The following GLDC variants were observed in gnomAD, a reference collection of about 807,000 sequenced individuals.
GLDC encodes glycine dehydrogenase (decarboxylating), mitochondrial.
Under a neutral mutation model 121.3 loss-of-function variants are expected in GLDC, and 104 were observed. That is an observed-to-expected ratio of 0.86 (90% confidence interval 0.73 to 1.01). GLDC has a LOEUF of 1.01. GLDC is among the 50% of genes least tolerant of loss of function. The pLI, the probability that GLDC is intolerant of heterozygous loss-of-function variation, is 0.00. For missense variants in GLDC, 1,429 were observed against 1,306.6 expected, an observed-to-expected ratio of 1.09 and a Z score of -1.44; for synonymous variants, 546 against 480.6, an observed-to-expected ratio of 1.14 and a Z score of -1.78.
At chr9:6,593,515 T>C (rs1300021650) in intron 9 of GLDC, among the ~76,000 whole-genome samples, 1 of 151,968 alleles carries the variant, frequency 6.6e-6, no homozygotes, top group East Asian at 1.9e-4. Flanking sequence ...TTGCCCAGGC[T>C]GGCCTTGAAC....
At chr9:6,585,049 C>G (rs1818241003) in intron 15 of GLDC, 1 of 152,180 alleles carries the variant, frequency 6.6e-6, no homozygotes, top group Admixed American at 6.5e-5. Flanking sequence ...GCCTGGGTCC[C>G]TTCCCTCACC....
chr9:6,554,846 C>G, intron 18 of GLDC, 65 bp from the exon 19 acceptor site: 2 of 1,179,140 alleles, frequency 1.7e-6, no homozygotes, highest in Non-Finnish European at 2.5e-6. Flanking sequence ...AGTGTGAAGG[C>G]CATGGCTGGC....
In GLDC at chr9:6,587,262, C is replaced by T. The variant is rs1818290393; in HGVS notation, c.1729G>A (p.Ala577Thr). ...ELAPITWKEF[A>T]NIHPFVPLDQ... ...AGAGGCACAAAGGGGTGGATGTTTG[C>T]AAATTCTTTCCATGTGATAGGCTGA... Residue 577 changes from alanine to threonine, a missense_variant, in exon 15 of 25, where the codon GCA (alanine) becomes ACA (threonine). Transcript: ENST00000321612. 2 of 1,613,750 alleles carry T rather than the reference C, an allele frequency of 1.2e-6. No homozygotes were observed. Among genetic ancestry groups the T allele is most frequent in the Non-Finnish European group, 1.7e-6 (2 of 1,179,778 alleles).
In GLDC at chr9:6,563,623, G is replaced by A. The variant is rs112809536; in HGVS notation, c.1926+1731C>T. On this transcript the variant is annotated intron_variant, in intron 16 of 24. Transcript: ENST00000321612. Reference sequence around the variant, plus strand: ...TCCTTTCTGATTCTGTGAAAGTGCCGAGACTCTCAGGTCCCAAGAGCAATT... The same window carrying A: ...TCCTTTCTGATTCTGTGAAAGTGCCAAGACTCTCAGGTCCCAAGAGCAATT... Among the ~76,000 whole-genome samples the A allele has an allele frequency of 7.6e-3, 1,157 of 152,274 alleles. 13 individuals carry two copies. The highest frequency in any genetic ancestry group is 0.011 in the Non-Finnish European group (726 of 68,024).
At chr9:6,600,466 CA>C (rs1026264359) in intron 8 of GLDC, among the ~76,000 whole-genome samples, 1 of 151,842 alleles carries the variant, frequency 6.6e-6, no homozygotes, top group Non-Finnish European at 1.5e-5. Flanking sequence ...CACTTGAGGT[CA>C]GGCGTTTGAG....
intron 24 of GLDC, chr9:6,534,049 A>C (rs891587004): frequency 6.6e-6 from 1 of 152,594 alleles, no homozygotes; most frequent in African/African-American, 2.4e-5. Flanking sequence ...CGTCTCTACT[A>C]AAAATACAAA....
At chr9:6,618,432 C>G (rs1196479211) in intron 3 of GLDC, among the ~76,000 whole-genome samples, 1 of 152,076 alleles carries the variant, frequency 6.6e-6, no homozygotes, top group Non-Finnish European at 1.5e-5. Context: ...CTCAGCCTCC[C>G]AACTAGCTGC....
chr9:6,639,555 C>T (rs1053476682), intron 2 of GLDC: 24 of 772,802 alleles, frequency 3.1e-5, no homozygotes, highest in African/African-American at 1.5e-4. Context: ...GGTATATGTT[C>T]GACTGGCTCC....
At chr9:6,559,423 G>C (rs1381051826) in intron 16 of GLDC, among the ~76,000 whole-genome samples, 2 of 150,586 alleles carry the variant, frequency 1.3e-5, no homozygotes, top group African/African-American at 4.9e-5. Context: ...GCTGAGGCAG[G>C]AGAATTGGTT....
intron 2 of GLDC, among the ~76,000 whole-genome samples, chr9:6,622,271 T>TCCCTCTCCCTCTTTCCACGGGC (rs1312072147): frequency 4.0e-5 from 6 of 148,262 alleles, no homozygotes; most frequent in Non-Finnish European, 4.5e-5. Flanking sequence ...CCCCACGGTC[T>TCCCTCTCCCTCTTTCCACGGGC]CCCTCTCCCT....
intron 21 of GLDC, among the ~76,000 whole-genome samples, chr9:6,545,310 G>A (rs1276220650): frequency 6.6e-6 from 1 of 152,192 alleles, no homozygotes; most frequent in Non-Finnish European, 1.5e-5. Context: ...ACATGGTACA[G>A]CCTCTTGCTC....
chr9:6,608,095 T>C (rs28776206), intron 4 of GLDC, among the ~76,000 whole-genome samples: 4,976 of 151,596 alleles, frequency 0.033, 258 homozygotes, highest in African/African-American at 0.11. Context: ...CCAGCCTGGG[T>C]GACAAAGTCA....
chr9:6,556,370 C>T (rs1225804894), intron 17 of GLDC, 68 bp from the exon 18 acceptor site: 3 of 1,303,366 alleles, frequency 2.3e-6, no homozygotes, highest in Non-Finnish European at 3.3e-6. Flanking sequence ...CAAATCCTCG[C>T]CTTTCATTTT....
At chr9:6,644,050 A>AAAAAAAAAAAAAAAAC (rs55988287) in intron 2 of GLDC, among the ~76,000 whole-genome samples, 12 of 92,732 alleles carry the variant, frequency 1.3e-4, no homozygotes, top group African/African-American at 2.4e-4. Context: ...AAAAAAAAAA[A>AAAAAAAAAAAAAAAAC]CGAAAAAAAA....
intron 4 of GLDC, among the ~76,000 whole-genome samples, chr9:6,608,135 C>T (rs909578384): frequency 2.6e-5 from 4 of 151,676 alleles, no homozygotes; most frequent in African/African-American, 4.8e-5. Context: ...AATTGAGGGC[C>T]GGGCGGGGTG....
At chr9:6,629,201 G>T (rs1480374560) in intron 2 of GLDC, among the ~76,000 whole-genome samples, 1 of 148,018 alleles carries the variant, frequency 6.8e-6, no homozygotes, top group East Asian at 2.0e-4. Flanking sequence ...GCAATAAGAT[G>T]ATTTTGCTGT....
At chr9:6,586,692 G>A (rs11789593) in intron 15 of GLDC, among the ~76,000 whole-genome samples, 78,674 of 151,976 alleles carry the variant, frequency 0.52, 20,798 homozygotes, top group Middle Eastern at 0.57. Context: ...TTCACACCCA[G>A]GTGTTGTCCC....
At chr9:6,605,652 C>G (rs560480601) in intron 5 of GLDC, among the ~76,000 whole-genome samples, 1 of 152,144 alleles carries the variant, frequency 6.6e-6, no homozygotes, top group Non-Finnish European at 1.5e-5. Flanking sequence ...ATAAGTAAGA[C>G]AAGGAGGAAG....
intron 11 of GLDC, among the ~76,000 whole-genome samples, chr9:6,589,773 T>C (rs1375335901): frequency 1.3e-5 from 2 of 151,828 alleles, no homozygotes; most frequent in Non-Finnish European, 2.9e-5. Context: ...TAGAAGAAAA[T>C]AGGCCAGGCG....
Sources: gnomAD v4.1 joint callset for allele counts (sites outside exome capture counted in the v4.1 genomes callset) on GRCh38, gnomAD v4.1.1 for gene constraint, MANE v1.5 for transcripts, NCBI Gene and HGNC (gene_info 2026-07-23, HGNC 2026-07-21) for gene names.